The following PALS2 variants were observed in gnomAD, a reference collection of about 807,000 sequenced individuals.
PALS2 encodes the protein protein associated with LIN7 2, MAGUK p55 family member, also known as protein PALS2.
PALS2 carries 27 observed loss-of-function variants against 61.6 expected under a neutral mutation model. That is an observed-to-expected ratio of 0.44 (90% CI 0.32 to 0.60). The LOEUF (loss-of-function observed/expected upper bound fraction) is 0.60, where lower values mean the gene tolerates loss of function less well. Ranked by LOEUF, PALS2 falls within the 20% of genes least tolerant of loss-of-function variation. PALS2 has a pLI of 0.05. For missense variants in PALS2, 554 were observed against 639.4 expected (o/e 0.87, Z 1.44); for synonymous variants, 236 against 218.6 (o/e 1.08, Z -0.70).
In PALS2 at chr7:24,687,835, GGATA is replaced by G; in HGVS notation, c.*222_*225del. 2 of 373,994 alleles carry G rather than the reference GGATA, an allele frequency of 5.3e-6. No individual in the cohort carries two copies. Among genetic ancestry groups the G allele is most frequent in the Non-Finnish European group, 9.3e-6 (2 of 215,590 alleles). The allele number at this position is 373,994 out of a possible 1,614,324, so 23.2% of individuals were successfully genotyped here. Reference sequence around the variant, plus strand: ...TATCTTAATTTTTCTAACTTTGTATGGATAATCTTTCTATTCATATCACATAAAG... The same window carrying G: ...TATCTTAATTTTTCTAACTTTGTATGATCTTTCTATTCATATCACATAAAG... On this transcript the variant is annotated 3_prime_UTR_variant, in exon 12 of 12. Transcript: ENST00000222644. This position sits in a 1 kb window ranked among gnomAD's most constrained non-coding sequence, Gnocchi z 4.5.
At chr7:24,675,017 T>G (rs1049249507) in intron 9 of PALS2, among the ~76,000 whole-genome samples, 3 of 152,212 alleles carry the variant, frequency 2.0e-5, no homozygotes, top group Non-Finnish European at 4.4e-5. Flanking sequence ...TCAGTTGTAG[T>G]CAAACCTTCA....
At chr7:24,581,632 T>G (rs1243468468) in intron 1 of PALS2, among the ~76,000 whole-genome samples, 1 of 152,210 alleles carries the variant, frequency 6.6e-6, no homozygotes, top group Non-Finnish European at 1.5e-5. Flanking sequence ...GGGAAGGTGT[T>G]GCTACTACTA....
chr7:24,680,619 A>C, intron 11 of PALS2, 99 bp downstream of exon 11: 4 of 1,395,286 alleles, frequency 2.9e-6, no homozygotes, highest in Non-Finnish European at 3.8e-6. Context: ...TTTTTGAGGC[A>C]GAGTTTTGCT....
At chr7:24,594,747 A>G (rs1446763396) in intron 1 of PALS2, among the ~76,000 whole-genome samples, 3 of 152,120 alleles carry the variant, frequency 2.0e-5, no homozygotes, top group Non-Finnish European at 4.4e-5. Context: ...GGATATGGTA[A>G]TTACCTTGAC....
At position 24,588,091 on chromosome 7, in the gene PALS2, A is replaced by G. The variant is rs533944996; in HGVS notation, c.-3+14498A>G. Among the ~76,000 whole-genome samples, 5 of 152,168 alleles carry G rather than the reference A, an allele frequency of 3.3e-5. No individual in the cohort carries two copies. In the East Asian group the frequency reaches 9.7e-4, roughly 29 times the overall value. On this transcript the variant is annotated intron_variant, in intron 1 of 11. Transcript: ENST00000222644. ...GTTACTAAGCAATTCATTGGGACAG[A>G]CCCCACAACAAAGAATTATCTGGCG...
At chr7:24,635,263 A>G (rs1167549257) in intron 2 of PALS2, among the ~76,000 whole-genome samples, 1 of 151,948 alleles carries the variant, frequency 6.6e-6, no homozygotes, top group African/African-American at 2.4e-5. Flanking sequence ...TAAATTTTGC[A>G]CTTGTTTTGT....
At chr7:24,686,267 C>G (rs1221625476) in intron 11 of PALS2, among the ~76,000 whole-genome samples, 5 of 152,136 alleles carry the variant, frequency 3.3e-5, no homozygotes, top group Non-Finnish European at 5.9e-5. Flanking sequence ...CTAGGCAACC[C>G]TTCTCTCTGA....
At chr7:24,651,801 A>G (rs1451626936) in intron 5 of PALS2, among the ~76,000 whole-genome samples, 1 of 152,190 alleles carries the variant, frequency 6.6e-6, no homozygotes. Context: ...CTTATTTCAT[A>G]TTGTTAAAAT....
chr7:24,604,883 G>A (rs545413332), intron 1 of PALS2, among the ~76,000 whole-genome samples: 10 of 152,266 alleles, frequency 6.6e-5, no homozygotes, highest in South Asian at 2.1e-4. Flanking sequence ...ATCAAGCTTC[G>A]GTTATCACCA....
chr7:24,623,550 T>C (rs1463846199), intron 1 of PALS2, 116 bp from the exon 2 acceptor site: 1 of 590,670 alleles, frequency 1.7e-6, no homozygotes, highest in Non-Finnish European at 2.9e-6. Context: ...TTCCAAAGAG[T>C]ATTCTTAATG....
At chr7:24,581,077 CA>C (rs1480629676) in intron 1 of PALS2, among the ~76,000 whole-genome samples, 17 of 152,124 alleles carry the variant, frequency 1.1e-4, no homozygotes, top group Non-Finnish European at 2.2e-4. Context: ...GGGCCAAAAT[CA>C]AGGTGTCAAC....
intron 5 of PALS2, among the ~76,000 whole-genome samples, chr7:24,652,158 A>G (rs1786186870): frequency 6.6e-6 from 1 of 152,188 alleles, no homozygotes; most frequent in African/African-American, 2.4e-5. Flanking sequence ...CTGGAAGAGT[A>G]AAATCTAGGA....
chr7:24,634,305 A>G (rs1313267457), intron 2 of PALS2, among the ~76,000 whole-genome samples: 1 of 152,052 alleles, frequency 6.6e-6, no homozygotes, highest in African/African-American at 2.4e-5. Context: ...ATCTCGGCCC[A>G]CTGCAAGCTC....
At chr7:24,683,418 A>G (rs372215548) in intron 11 of PALS2, among the ~76,000 whole-genome samples, 3 of 152,186 alleles carry the variant, frequency 2.0e-5, no homozygotes, top group East Asian at 1.9e-4. Flanking sequence ...CGTATGTTCA[A>G]ACTTATCTGG....
chr7:24,599,525 T>TTTTG lies in PALS2; in HGVS notation c.-2-24141_-2-24140insTTTG, dbSNP rs4000763. Among the ~76,000 whole-genome samples the TTTTG allele has an allele frequency of 1.7e-3, 243 of 143,706 alleles. 3 individuals are homozygous for TTTTG. The highest frequency in any genetic ancestry group is 5.8e-3 in the African/African-American group (223 of 38,302). The allele number at this position is 143,706 out of a possible 152,430, so 94.3% of individuals were successfully genotyped here. The stretch of plus-strand genomic sequence containing the variant: ...ATAAGCTTTTTTTTTTTTTTTTTTT[T>TTTTG]ATGGAGTCTTGCCCTGTCACCCAGG... On this transcript the variant is annotated intron_variant, in intron 1 of 11. Transcript: ENST00000222644.
chr7:24,693,904 C>T lies in PALS2; in HGVS notation c.*6290C>T, dbSNP rs1420266612. ...GGAATTTTTTATTCTTCCTTTTCCC[C>T]CCACGCCAGTTCGTTTTGGTAAGTC... On this transcript the variant is annotated 3_prime_UTR_variant, in exon 12 of 12. Transcript: ENST00000222644. 3 of 152,002 alleles carry T rather than the reference C, an allele frequency of 2.0e-5. No homozygotes were observed. The highest frequency in any genetic ancestry group is 7.2e-5 in the African/African-American group (3 of 41,410). 9.4% of individuals were successfully genotyped at this position (152,002 alleles called of 1,614,324 possible).
At chr7:24,644,488 A>G (rs1024019633) in intron 3 of PALS2, among the ~76,000 whole-genome samples, 5 of 151,480 alleles carry the variant, frequency 3.3e-5, no homozygotes, top group Non-Finnish European at 7.4e-5. Flanking sequence ...GTTTTTTGGT[A>G]TTCCATGGTG....
At chr7:24,677,874 A>C (rs1407902496) in intron 9 of PALS2, among the ~76,000 whole-genome samples, 1 of 152,216 alleles carries the variant, frequency 6.6e-6, no homozygotes, top group African/African-American at 2.4e-5. Context: ...CCTATTATAC[A>C]TAATGATCTC....
At chr7:24,624,178 T>C in intron 2 of PALS2, 1 of 1,217,690 alleles carries the variant, frequency 8.2e-7, no homozygotes, top group South Asian at 1.4e-5. Flanking sequence ...ACTTCCTTTA[T>C]CTAGTGCTTT....
Sources: allele counts gnomAD v4.1 joint callset (sites outside exome capture counted in the v4.1 genomes callset), GRCh38; gene constraint gnomAD v4.1.1; non-coding constraint Gnocchi (gnomAD v3.1); transcripts MANE v1.5; gene names NCBI Gene and HGNC (gene_info 2026-07-23, HGNC 2026-07-21).